DCLK1: variants seen among roughly 807,000 people sequenced by gnomAD.
DCLK1 encodes doublecortin like kinase 1, also known as serine/threonine-protein kinase DCLK1.
In DCLK1, 16 loss-of-function variants were observed where a neutral mutation model predicts 86.2. That is an observed-to-expected ratio of 0.19 (90% confidence interval 0.13 to 0.28). The LOEUF is 0.28. Ranked by LOEUF, DCLK1 falls within the 10% of genes least tolerant of loss-of-function variation. The probability of loss-of-function intolerance (pLI) is 1.00; values close to 1 mark genes in which losing one functional copy is unlikely to be tolerated. For synonymous variants in DCLK1, 369 were observed against 370.5 expected (o/e 1.00, Z 0.05); for missense variants, 590 against 940.2 (o/e 0.63, Z 4.87).
intron 3 of DCLK1, among the ~76,000 whole-genome samples, chr13:36,077,108 T>A (rs138606293): frequency 5.9e-5 from 9 of 152,270 alleles, no homozygotes; most frequent in African/African-American, 1.9e-4. Context: ...CCCCAAGCAC[T>A]AATGCTTCTC....
intron 4 of DCLK1, among the ~76,000 whole-genome samples, chr13:35,901,475 G>A (rs1267790738): frequency 9.1e-6 from 1 of 110,132 alleles, no homozygotes; most frequent in Admixed American, 1.3e-4. Context: ...AGGTGACAGA[G>A]TGAGAGACTC....
chr13:36,080,203 G>A (rs1884371133), intron 3 of DCLK1, among the ~76,000 whole-genome samples: 1 of 152,190 alleles, frequency 6.6e-6, no homozygotes, highest in African/African-American at 2.4e-5. Context: ...GAAGGAAGGT[G>A]AGAAAGGAGA....
At chr13:35,891,012 G>C in intron 4 of DCLK1, among the ~76,000 whole-genome samples, 1 of 150,824 alleles carries the variant, frequency 6.6e-6, no homozygotes, top group Non-Finnish European at 1.5e-5. Context: ...ATAGTGTTTT[G>C]TCATATAGAA....
rs35734430 is a variant in DCLK1 at position 35,827,701 on chromosome 13, A to G, written c.1341T>C (p.Asn447=). The G allele has an allele frequency of 0.054, 86,748 of 1,613,802 alleles. 2,656 individuals are homozygous for G. Among genetic ancestry groups the G allele is most frequent in the Non-Finnish European group, 0.062 (73,492 of 1,179,814 alleles). Residue 447 remains asparagine (N), a synonymous_variant, in exon 10 of 17, where the codon AAT becomes AAC. Transcript: ENST00000360631. ...CCATCTCCTCAATCAGAAGAACGAT[A>G]TTGGGATGCTTCACTCTTCTTAAAA... ...VSILRRVKHP[N]IVLLIEEMDV...
intron 6 of DCLK1, chr13:35,849,906 A>C: frequency 1.0e-6 from 1 of 961,314 alleles, no homozygotes; most frequent in Non-Finnish European, 1.2e-6. Flanking sequence ...TACACATTTA[A>C]AAAATTATGT....
At chr13:35,818,784 T>C (rs1362186563) in intron 11 of DCLK1, among the ~76,000 whole-genome samples, 2 of 151,564 alleles carry the variant, frequency 1.3e-5, no homozygotes, top group Non-Finnish European at 2.9e-5. Flanking sequence ...AAACTGAAGG[T>C]ATTAATTTTT....
chr13:35,937,477 T>C (rs1355793148), intron 4 of DCLK1, among the ~76,000 whole-genome samples: 1 of 152,158 alleles, frequency 6.6e-6, no homozygotes, highest in Admixed American at 6.5e-5. Context: ...CCCCTTGTCC[T>C]GCAGAGTAGG....
Position 35,866,071 on chromosome 13 carries a change from C to T in DCLK1, c.940+5153G>A, listed in dbSNP as rs114594029. Among the ~76,000 whole-genome samples, 276 of 152,120 alleles carry T rather than the reference C, an allele frequency of 1.8e-3. 2 individuals carry two copies. The highest frequency in any genetic ancestry group is 6.4e-3 in the African/African-American group (266 of 41,492). Reference sequence around the variant, plus strand: ...TTGTGTGTCTAGAGTACCAGAAGTCCCCGGTGCCAGCCCCGAGTTGCCATT... The same window carrying T: ...TTGTGTGTCTAGAGTACCAGAAGTCTCCGGTGCCAGCCCCGAGTTGCCATT... On this transcript the variant is annotated intron_variant, in intron 5 of 16. Transcript: ENST00000360631.
chr13:36,033,700 C>T (rs1184581), intron 3 of DCLK1, among the ~76,000 whole-genome samples: 78,557 of 151,994 alleles, frequency 0.52, 20,769 homozygotes, highest in Non-Finnish European at 0.58. Context: ...CCAAGGTGGG[C>T]GGATTACCTG....
At chr13:35,845,261 T>C (rs566678331) in intron 6 of DCLK1, among the ~76,000 whole-genome samples, 1 of 152,146 alleles carries the variant, frequency 6.6e-6, no homozygotes, top group Non-Finnish European at 1.5e-5. Flanking sequence ...AAAATATGTA[T>C]ATATTTTTTC....
intron 10 of DCLK1, among the ~76,000 whole-genome samples, chr13:35,824,705 G>A (rs910791940): frequency 6.6e-6 from 1 of 151,990 alleles, no homozygotes; most frequent in South Asian, 2.1e-4. Flanking sequence ...ACATTATGTC[G>A]CTATTTTCTT....
chr13:36,090,397 T>C (rs1268580134), intron 3 of DCLK1, among the ~76,000 whole-genome samples: 1 of 152,094 alleles, frequency 6.6e-6, no homozygotes. Context: ...CAGAATGGGA[T>C]GGCACAGACA....
At chr13:35,805,653 A>G (rs1335385574) in intron 15 of DCLK1, 46 bp downstream of exon 15, 49 of 1,563,408 alleles carry the variant, frequency 3.1e-5, no homozygotes, top group Non-Finnish European at 4.2e-5. Flanking sequence ...CTGATTTTTA[A>G]AAGGAATGTT....
At chr13:35,921,540 T>C (rs150992896) in intron 4 of DCLK1, among the ~76,000 whole-genome samples, 4 of 152,354 alleles carry the variant, frequency 2.6e-5, no homozygotes, top group Admixed American at 6.5e-5. Context: ...TCCTTTTTCA[T>C]AGTACACATC....
chr13:35,847,889 TC>T, intron 6 of DCLK1: 1 of 985,258 alleles, frequency 1.0e-6, no homozygotes, highest in Non-Finnish European at 1.2e-6. Flanking sequence ...TCTAGATTTT[TC>T]CCCCTGCCTA....
At chr13:36,110,672 T>C (rs1885579505) in intron 3 of DCLK1, among the ~76,000 whole-genome samples, 1 of 152,088 alleles carries the variant, frequency 6.6e-6, no homozygotes, top group South Asian at 2.1e-4. Flanking sequence ...TTACTATACA[T>C]ACAAATCATT....
intron 5 of DCLK1, among the ~76,000 whole-genome samples, chr13:35,867,777 A>G (rs1871898833): frequency 6.6e-6 from 1 of 151,668 alleles, no homozygotes. Context: ...TTAAGATTAG[A>G]CTCATCAGTC....
At chr13:35,806,391 T>C (rs1327694433) in intron 14 of DCLK1, among the ~76,000 whole-genome samples, 1 of 152,174 alleles carries the variant, frequency 6.6e-6, no homozygotes, top group East Asian at 1.9e-4. Context: ...AATAGAACTA[T>C]TGAGAGGTAA....
rs1566013122 is a variant in DCLK1, at chr13:36,103,260, G to C, written c.723+8609C>G. 2.6e-5 allele frequency among the ~76,000 whole-genome samples: 4 copies of C among 152,172 alleles called. No homozygotes were observed. The Middle Eastern group carries it at 0.01, about 388-fold the overall frequency. On this transcript the variant is annotated intron_variant, in intron 3 of 16. Coordinates refer to ENST00000360631, the MANE Select transcript of DCLK1 (RefSeq NM_001330071.2). ...TACTAAAAATACAAAAATTAGCTGG[G>C]TGTGGTGGCACGCGCCTGTAATCCC...
Sources: gnomAD v4.1 joint callset for allele counts (sites outside exome capture counted in the v4.1 genomes callset) on GRCh38, gnomAD v4.1.1 for gene constraint, MANE v1.5 for transcripts, NCBI Gene and HGNC (gene_info 2026-07-23, HGNC 2026-07-21) for gene names.